APBA2: variants seen among roughly 807,000 people sequenced by gnomAD.
The protein encoded by APBA2 is amyloid beta precursor protein binding family A member 2.
Under a neutral mutation model 75.0 loss-of-function variants are expected in APBA2, and 30 were observed. That is an observed-to-expected ratio of 0.40 (90% CI 0.30 to 0.54). APBA2 has a LOEUF of 0.54. APBA2 is among the 20% of genes least tolerant of loss of function. APBA2 has a pLI of 0.49. For missense variants in APBA2, 801 were observed against 1,016.1 expected (o/e 0.79, Z 2.88); for synonymous variants, 444 against 409.6 (o/e 1.08, Z -1.01).
chr15:29,093,263 T>TG lies in APBA2; in HGVS notation c.1215+49dup, dbSNP rs763329854. On this transcript the variant is annotated intron_variant, in intron 7 of 14. Transcript: ENST00000683413. ...GCCCCTCGCGGATGCCCGCACACTTTGGGGGGCACTAGCAGGAGGGAATAT... is the reference window on the plus strand; with the variant it reads ...GCCCCTCGCGGATGCCCGCACACTTTGGGGGGGCACTAGCAGGAGGGAATAT... The TG allele has an allele frequency of 2.3e-5, 37 of 1,610,690 alleles. No homozygotes were observed. In the South Asian group the frequency reaches 3.2e-4, roughly 14 times the overall value.
In APBA2 at chr15:29,117,199, A is replaced by C. The variant is rs1167557027; in HGVS notation, c.*66A>C. 1 of 1,513,224 alleles carries C rather than the reference A, an allele frequency of 6.6e-7. No individual in the cohort carries two copies. The highest frequency in any genetic ancestry group is 9.2e-7 in the Non-Finnish European group (1 of 1,091,252). 93.7% of individuals were successfully genotyped at this position (1,513,224 alleles called of 1,614,324 possible). ...GCCGCCCGGGCCCAGAGGAGCTGGG[A>C]GCCGGGCCGCAGACTTGACCCCGAC... On this transcript the variant is annotated 3_prime_UTR_variant, in exon 15 of 15. Coordinates refer to ENST00000683413, the MANE Select transcript of APBA2 (RefSeq NM_001353788.2).
At chr15:28,953,950 C>T (rs2036027720) in intron 2 of APBA2, among the ~76,000 whole-genome samples, 1 of 152,172 alleles carries the variant, frequency 6.6e-6, no homozygotes, top group African/African-American at 2.4e-5. Flanking sequence ...CCCTGTTGCT[C>T]ACCCAGCGCT....
At chr15:28,892,019 C>A (rs1217326388) in intron 1 of APBA2, among the ~76,000 whole-genome samples, 1 of 152,156 alleles carries the variant, frequency 6.6e-6, no homozygotes, top group African/African-American at 2.4e-5. Context: ...AATTTCCAGT[C>A]TTGCAAGCTC....
At chr15:29,066,046 T>C (rs1260947542) in intron 4 of APBA2, among the ~76,000 whole-genome samples, 1 of 152,208 alleles carries the variant, frequency 6.6e-6, no homozygotes, top group East Asian at 1.9e-4. Flanking sequence ...CATTAGCCCC[T>C]GTCCTTCGGC....
In APBA2 at chr15:29,094,275, C is replaced by T; in HGVS notation, c.1216-3C>T. On this transcript the variant is annotated splice_region_variant and splice_polypyrimidine_tract_variant and intron_variant, in intron 7 of 14. Coordinates refer to ENST00000683413, the MANE Select transcript of APBA2 (RefSeq NM_001353788.2). Reference sequence around the variant, plus strand: ...GTTTTTCTTTTCTCTTCCATGCTGTCAGAGGATGCAAAAGGCTGCTAAGAT... The same window carrying T: ...GTTTTTCTTTTCTCTTCCATGCTGTTAGAGGATGCAAAAGGCTGCTAAGAT... The T allele has an allele frequency of 6.2e-7, 1 of 1,614,172 alleles. No homozygotes were observed. Among genetic ancestry groups the T allele is most frequent in the Non-Finnish European group, 8.5e-7 (1 of 1,180,008 alleles).
chr15:29,088,402 A>G lies in APBA2; in HGVS notation c.1070-4673A>G, dbSNP rs529291108. Among the ~76,000 whole-genome samples the G allele has an allele frequency of 1.1e-4, 17 of 152,220 alleles. No homozygotes were observed. In the South Asian group the frequency reaches 3.5e-3, roughly 32 times the overall value. On this transcript the variant is annotated intron_variant, in intron 6 of 14. Coordinates refer to ENST00000683413, the MANE Select transcript of APBA2 (RefSeq NM_001353788.2). The stretch of plus-strand genomic sequence containing the variant: ...CCTACTGAGCATCCAGGCTCCTGCC[A>G]CTAAACTTGCCTGGAATCCCCAACC...
At chr15:28,969,272 G>T (rs569202473) in intron 2 of APBA2, among the ~76,000 whole-genome samples, 1 of 151,310 alleles carries the variant, frequency 6.6e-6, no homozygotes, top group African/African-American at 2.4e-5. Flanking sequence ...CCTCCGTCTC[G>T]CGGGCTCAAG....
At chr15:29,005,929 C>T (rs542364175) in intron 3 of APBA2, among the ~76,000 whole-genome samples, 128 of 152,036 alleles carry the variant, frequency 8.4e-4, no homozygotes, top group Non-Finnish European at 1.2e-3. Flanking sequence ...AGTTTAATAC[C>T]GCAACATAAT....
intron 2 of APBA2, among the ~76,000 whole-genome samples, chr15:28,976,186 TTG>T (rs2037326916): frequency 6.6e-6 from 1 of 152,234 alleles, no homozygotes. Flanking sequence ...TTTGTTGAGT[TTG>T]TGTTTTGACC....
chr15:28,997,925 C>T (rs1043854100), intron 3 of APBA2, among the ~76,000 whole-genome samples: 1 of 152,234 alleles, frequency 6.6e-6, no homozygotes, highest in East Asian at 1.9e-4. Context: ...TTCTCTGCAG[C>T]TTCCCAGCAG....
chr15:28,935,439 TG>T (rs754686587), intron 2 of APBA2, among the ~76,000 whole-genome samples: 80 of 152,076 alleles, frequency 5.3e-4, no homozygotes, highest in Middle Eastern at 6.8e-3. Context: ...CGCTGCTGTC[TG>T]GGCCTCCAGG....
At chr15:29,033,779 G>C (rs531337846) in intron 3 of APBA2, among the ~76,000 whole-genome samples, 1 of 152,030 alleles carries the variant, frequency 6.6e-6, no homozygotes, top group Non-Finnish European at 1.5e-5. Flanking sequence ...GCTAATAACG[G>C]TGAAACCCCG....
chr15:29,098,026 C>G (rs533270217), intron 8 of APBA2, among the ~76,000 whole-genome samples: 1 of 152,178 alleles, frequency 6.6e-6, no homozygotes, highest in Non-Finnish European at 1.5e-5. Context: ...TGTGTCTGCG[C>G]GCCACATTTC....
intron 2 of APBA2, among the ~76,000 whole-genome samples, chr15:28,937,893 G>T (rs981304763): frequency 6.6e-6 from 1 of 152,134 alleles, no homozygotes; most frequent in Admixed American, 6.5e-5. Flanking sequence ...TCCTGACCTC[G>T]TGATCCGCCC....
At position 28,991,668 on chromosome 15, in the gene APBA2, G is replaced by A. The variant is rs2038240635; in HGVS notation, c.-94-4085G>A. On this transcript the variant is annotated intron_variant, in intron 2 of 14. Transcript: ENST00000683413. The surrounding 1 kb of genome is among the most constrained non-coding windows in gnomAD (Gnocchi z 4.7). ...CTGGTACCAGGAGGAGCCAGGTCGA[G>A]CTGGCACTGGGGCGACGCTCTGTCT... Among the ~76,000 whole-genome samples, 2 of 152,158 alleles carry A rather than the reference G, an allele frequency of 1.3e-5. No homozygotes were observed. The highest frequency in any genetic ancestry group is 1.3e-4 in the Admixed American group (2 of 15,280).
intron 2 of APBA2, among the ~76,000 whole-genome samples, chr15:28,987,753 T>TATATAA (rs1479386386): frequency 3.1e-4 from 42 of 136,518 alleles, no homozygotes; most frequent in African/African-American, 1.2e-3. Context: ...TATATATATA[T>TATATAA]TCTTTTTTTT....
intron 2 of APBA2, among the ~76,000 whole-genome samples, chr15:28,958,648 A>G (rs1292256990): frequency 6.6e-6 from 1 of 152,070 alleles, no homozygotes; most frequent in African/African-American, 2.4e-5. Context: ...GCAGGGAGGT[A>G]ATGAGAACTC....
At chr15:28,902,267 C>T (rs141615087) in intron 1 of APBA2, among the ~76,000 whole-genome samples, 171 of 152,210 alleles carry the variant, frequency 1.1e-3, no homozygotes, top group African/African-American at 3.8e-3. Flanking sequence ...GGGAGGAGGG[C>T]ACTTTCCTTC....
chr15:29,017,935 T>C (rs4779680), intron 3 of APBA2, among the ~76,000 whole-genome samples: 57,371 of 152,082 alleles, frequency 0.38, 18,030 homozygotes, highest in African/African-American at 0.83. Context: ...GCTGTCCTTG[T>C]ACTTGCTTGC....
Sources: allele counts gnomAD v4.1 joint callset (sites outside exome capture counted in the v4.1 genomes callset), GRCh38; gene constraint gnomAD v4.1.1; non-coding constraint Gnocchi (gnomAD v3.1); transcripts MANE v1.5; gene names NCBI Gene and HGNC (gene_info 2026-07-23, HGNC 2026-07-21).